The following ZNF280C variants were observed in gnomAD, a reference collection of about 807,000 sequenced individuals.
ZNF280C encodes zinc finger protein 280C.
Under a neutral mutation model 53.6 loss-of-function variants are expected in ZNF280C, and 14 were observed. The observed-to-expected ratio is 0.26, with a 90% CI of 0.17 to 0.41. The LOEUF (loss-of-function observed/expected upper bound fraction) is 0.41. Among genes scored for constraint, ZNF280C ranks in the 10% least tolerant of loss-of-function variants. The probability of loss-of-function intolerance (pLI) is 1.00; values close to 1 mark genes in which losing one functional copy is unlikely to be tolerated. For synonymous variants in ZNF280C, 203 were observed against 181.1 expected, an observed-to-expected ratio of 1.12 and a Z score of -0.97; for missense variants, 416 against 547.1, an observed-to-expected ratio of 0.76 and a Z score of 2.39.
chrX:130,241,566 C>A lies in ZNF280C; in HGVS notation c.382-1873G>T, dbSNP rs1381160243. Among the ~76,000 whole-genome samples, 8 of 111,670 alleles carry A rather than the reference C, an allele frequency of 7.2e-5. No homozygotes were observed. In the East Asian group the frequency reaches 1.4e-3, roughly 20 times the overall value. On this transcript the variant is annotated intron_variant, in intron 5 of 18. Coordinates refer to ENST00000370978, the MANE Select transcript of ZNF280C (RefSeq NM_017666.5). ...CTTGAGGCCAGGAGTTCAAGACCAG[C>A]CTGGGCAACACAGTGAGAGCCCCAT...
chrX:130,240,002 T>A (rs2032372398), intron 5 of ZNF280C, among the ~76,000 whole-genome samples: 1 of 111,687 alleles, frequency 9.0e-6, no homozygotes, highest in African/African-American at 3.2e-5. Context: ...TTTAGCAGTA[T>A]CTATATCAAG....
At chrX:130,222,184 C>T (rs1261049041) in intron 12 of ZNF280C, among the ~76,000 whole-genome samples, 1 of 108,366 alleles carries the variant, frequency 9.2e-6, no homozygotes, top group Non-Finnish European at 1.9e-5. Context: ...AAACAGAAAC[C>T]ACTCCTTCAC....
intron 12 of ZNF280C, among the ~76,000 whole-genome samples, chrX:130,225,121 G>A (rs2032206917): frequency 9.0e-6 from 1 of 111,101 alleles, no homozygotes; most frequent in East Asian, 2.8e-4. Context: ...ATAAGACACA[G>A]CTCACAAAGT....
chrX:130,243,100 T>C (rs1361272655), intron 5 of ZNF280C, among the ~76,000 whole-genome samples: 1 of 112,481 alleles, frequency 8.9e-6, no homozygotes, highest in Non-Finnish European at 1.9e-5. Flanking sequence ...TTGGTTGAGT[T>C]ATATCATAAA....
intron 12 of ZNF280C, among the ~76,000 whole-genome samples, chrX:130,226,350 C>T (rs1023068059): frequency 9.0e-6 from 1 of 111,402 alleles, no homozygotes; most frequent in African/African-American, 3.3e-5. Flanking sequence ...ATCTTATGTT[C>T]CTCCATTCAA....
In ZNF280C at chrX:130,204,994, T is replaced by G; in HGVS notation, c.2199-2A>C. 2.8e-6 allele frequency: 3 copies of G among 1,068,347 alleles called. No homozygotes were observed. The highest frequency in any genetic ancestry group is 3.6e-6 in the Non-Finnish European group (3 of 823,493). The allele number at this position is 1,068,347 out of a possible 1,213,427, so 88.0% of individuals were successfully genotyped here. A position where few individuals can be genotyped will look rare whatever the true frequency, so the allele number is the denominator to read the frequency against. On this transcript the variant is annotated splice_acceptor_variant, in intron 18 of 18. Transcript: ENST00000370978. LOFTEE classifies it high-confidence loss of function. The stretch of plus-strand genomic sequence containing the variant: ...GCAGGAATCTATTTCAATGAGCAGC[T>G]TTAAGAAAAAAAAAAAAAAACTTTA...
chrX:130,222,280 A>ACACACACACC (rs2032174294), intron 12 of ZNF280C, among the ~76,000 whole-genome samples: 1 of 64,737 alleles, frequency 1.5e-5, no homozygotes, highest in African/African-American at 6.4e-5. Context: ...CAGACACCAC[A>ACACACACACC]CACACACACA....
intron 13 of ZNF280C, among the ~76,000 whole-genome samples, chrX:130,216,589 C>T (rs2032106756): frequency 8.9e-6 from 1 of 112,325 alleles, no homozygotes; most frequent in Admixed American, 9.4e-5. Flanking sequence ...GATGTCCCTT[C>T]ACCAACCAGA....
intron 2 of ZNF280C, among the ~76,000 whole-genome samples, chrX:130,248,727 G>A (rs1208647201): frequency 3.6e-5 from 4 of 112,085 alleles, no homozygotes; most frequent in Non-Finnish European, 5.6e-5. Flanking sequence ...CTCCTGAGCT[G>A]GCCAACCGGG....
At chrX:130,230,776 T>A (rs1328038454) in intron 8 of ZNF280C, 49 bp from the exon 9 acceptor site, 4 of 837,768 alleles carry the variant, frequency 4.8e-6, no homozygotes, top group Admixed American at 5.7e-5. Flanking sequence ...TTTTAAAGAT[T>A]AGATACCAAA....
chrX:130,233,571 G>A (rs1268042096), intron 8 of ZNF280C, among the ~76,000 whole-genome samples: 2 of 101,326 alleles, frequency 2.0e-5, no homozygotes, highest in Non-Finnish European at 4.0e-5. Context: ...GTGGTCAGCC[G>A]AGATTACACC....
At chrX:130,238,968 A>G (rs1462322014) in intron 6 of ZNF280C, among the ~76,000 whole-genome samples, 1 of 111,443 alleles carries the variant, frequency 9.0e-6, no homozygotes, top group East Asian at 2.8e-4. Context: ...CTTTATTGGC[A>G]TACTATTTTA....
At chrX:130,222,330 A>ACACACC (rs1491265281) in intron 12 of ZNF280C, among the ~76,000 whole-genome samples, 2 of 96,377 alleles carry the variant, frequency 2.1e-5, no homozygotes, top group East Asian at 3.2e-4. Flanking sequence ...ACACACACAC[A>ACACACC]CCCTTCTCTA....
rs1295309082 is a variant in ZNF280C at position 130,202,968 on chromosome X, G to A, written c.*2009C>T. Reference sequence around the variant, plus strand: ...GCTAAGAAGGTATTATGTATTAGATGTATAGAAATGTAACTTTAAAACTTG... The same window carrying A: ...GCTAAGAAGGTATTATGTATTAGATATATAGAAATGTAACTTTAAAACTTG... On this transcript the variant is annotated 3_prime_UTR_variant, in exon 19 of 19. Transcript: ENST00000370978. 1.8e-5 allele frequency: 2 copies of A among 111,768 alleles called. No homozygotes were observed. Among genetic ancestry groups the A allele is most frequent in the African/African-American group, 3.3e-5 (1 of 30,751 alleles). The allele number at this position is 111,768 out of a possible 1,213,427, so 9.2% of individuals were successfully genotyped here. A position where few individuals can be genotyped will look rare whatever the true frequency, so the allele number is the denominator to read the frequency against.
intron 2 of ZNF280C, among the ~76,000 whole-genome samples, chrX:130,259,626 G>A (rs191676495): frequency 9.4e-4 from 106 of 112,496 alleles, no homozygotes; most frequent in African/African-American, 3.1e-3. Flanking sequence ...GGATGAGAAG[G>A]AAACATTTCA....
chrX:130,208,402 T>C (rs2032002732), intron 16 of ZNF280C, among the ~76,000 whole-genome samples: 1 of 111,630 alleles, frequency 9.0e-6, no homozygotes, highest in Admixed American at 9.5e-5. Context: ...AGTGCTGGGA[T>C]TACAGGTGTG....
At chrX:130,244,777 TAAAAAAAAAAA>T (rs58124928) in intron 3 of ZNF280C, among the ~76,000 whole-genome samples, 3 of 65,455 alleles carry the variant, frequency 4.6e-5, no homozygotes, top group Non-Finnish European at 8.1e-5. Context: ...GACTCCATCT[TAAAAAAAAAAA>T]AAAAAAAAAA....
In ZNF280C at chrX:130,224,142, C is replaced by T. The variant is rs747062935; in HGVS notation, c.1395+2617G>A. Among the ~76,000 whole-genome samples the T allele has an allele frequency of 2.7e-5, 3 of 111,603 alleles. No homozygotes were observed. The South Asian group carries it at 1.1e-3, about 42-fold the overall frequency. Reference sequence around the variant, plus strand: ...TAATAGTATTGGGAGGTGGAGCCTTCGGAAACTAATTAGATTATGATGGTG... The same window carrying T: ...TAATAGTATTGGGAGGTGGAGCCTTTGGAAACTAATTAGATTATGATGGTG... On this transcript the variant is annotated intron_variant, in intron 12 of 18. Coordinates refer to ENST00000370978, the MANE Select transcript of ZNF280C (RefSeq NM_017666.5).
chrX:130,228,475 G>T (rs867067018), intron 10 of ZNF280C, among the ~76,000 whole-genome samples: 6 of 109,504 alleles, frequency 5.5e-5, no homozygotes, highest in Middle Eastern at 9.3e-3. Context: ...TACAGATGGG[G>T]TTTCTCCATG....
Sources: allele counts gnomAD v4.1 joint callset (sites outside exome capture counted in the v4.1 genomes callset), GRCh38; gene constraint gnomAD v4.1.1; transcripts MANE v1.5; gene names NCBI Gene and HGNC (gene_info 2026-07-23, HGNC 2026-07-21).